Variants in DOCK1 observed in about 807,000 individuals in gnomAD.
DOCK1 encodes the protein dedicator of cytokinesis protein 1.
In DOCK1, 138 loss-of-function variants were observed where a neutral mutation model predicts 262.7. The observed-to-expected ratio is 0.53, with a 90% CI of 0.46 to 0.61. The LOEUF (loss-of-function observed/expected upper bound fraction) is 0.61, where lower values mean the gene tolerates loss of function less well. Among genes scored for constraint, DOCK1 ranks in the 20% least tolerant of loss-of-function variants. DOCK1 has a pLI of 0.00. For synonymous variants in DOCK1, 866 were observed against 867.4 expected (o/e 1.00, Z 0.03); for missense variants, 1,908 against 2,370.7 (o/e 0.80, Z 4.05).
chr10:127,002,796 C>A (rs1161980703), intron 10 of DOCK1, among the ~76,000 whole-genome samples: 1 of 152,218 alleles, frequency 6.6e-6, no homozygotes, highest in Non-Finnish European at 1.5e-5. Context: ...TGGACACCCC[C>A]TTTGGTCCCT....
rs36168243 is a variant in DOCK1, at chr10:126,938,048, C to CT, written c.46+32500dup. 5.4e-3 allele frequency among the ~76,000 whole-genome samples: 778 copies of CT among 143,218 alleles called. 3 individuals carry two copies. The highest frequency in any genetic ancestry group is 0.015 in the African/African-American group (588 of 39,160). The allele number at this position is 143,218 out of a possible 152,430, so 94.0% of individuals were successfully genotyped here. The stretch of plus-strand genomic sequence containing the variant: ...GAATAGTAGAAGAGTCCAGCTTCAT[C>CT]TTTTTTTTTTTTTTTGAGATGGAGT... On this transcript the variant is annotated intron_variant, in intron 1 of 51. Transcript: ENST00000623213.
chr10:127,397,713 A>T (rs2066983035), intron 38 of DOCK1, among the ~76,000 whole-genome samples: 1 of 151,782 alleles, frequency 6.6e-6, no homozygotes, highest in Non-Finnish European at 1.5e-5. Context: ...TGACCCGGGC[A>T]GCGACTCCTG....
chr10:127,127,868 G>A (rs2050064664), intron 27 of DOCK1, 104 bp downstream of exon 27: 1 of 885,756 alleles, frequency 1.1e-6, no homozygotes, highest in East Asian at 2.8e-5. Context: ...GTAGTGAGCA[G>A]TTGAGATACA....
intron 22 of DOCK1, among the ~76,000 whole-genome samples, chr10:127,059,176 A>G (rs2045370054): frequency 6.6e-6 from 1 of 152,102 alleles, no homozygotes. Flanking sequence ...TAGCTTTCAG[A>G]CTTACTGTTA....
chr10:127,119,002 T>TA (rs1427027525), intron 25 of DOCK1, among the ~76,000 whole-genome samples: 1 of 152,042 alleles, frequency 6.6e-6, no homozygotes, highest in African/African-American at 2.4e-5. Flanking sequence ...CACACACGTG[T>TA]ACCTGCATGG....
intron 27 of DOCK1, among the ~76,000 whole-genome samples, chr10:127,156,307 G>T (rs2053040849): frequency 6.6e-6 from 1 of 152,048 alleles, no homozygotes; most frequent in Non-Finnish European, 1.5e-5. Flanking sequence ...ATTATTCTTA[G>T]GCCCCAGGCT....
chr10:127,445,401 G>A (rs2070471005), intron 50 of DOCK1, among the ~76,000 whole-genome samples: 1 of 152,164 alleles, frequency 6.6e-6, no homozygotes. Context: ...GTCAGTGGGT[G>A]GGGAGGCTGG....
chr10:127,046,502 C>G (rs1282028930), intron 21 of DOCK1, among the ~76,000 whole-genome samples: 1 of 152,070 alleles, frequency 6.6e-6, no homozygotes, highest in Non-Finnish European at 1.5e-5. Flanking sequence ...ACCTGTAATC[C>G]TTGCACTTTG....
At chr10:126,936,266 G>A (rs944742505) in intron 1 of DOCK1, among the ~76,000 whole-genome samples, 6 of 152,202 alleles carry the variant, frequency 3.9e-5, no homozygotes, top group Non-Finnish European at 7.3e-5. Flanking sequence ...GATTGCAAGC[G>A]TGAGCCACTG....
chr10:127,052,658 G>A (rs2044815925), intron 21 of DOCK1, 23 bp from the exon 22 acceptor site: 1 of 1,613,708 alleles, frequency 6.2e-7, no homozygotes. Context: ...GAGCTTATTT[G>A]TGCGTGTTTG....
intron 31 of DOCK1, among the ~76,000 whole-genome samples, chr10:127,352,845 G>T (rs970401736): frequency 6.6e-6 from 1 of 151,988 alleles, no homozygotes; most frequent in African/African-American, 2.4e-5. Context: ...CACCTGCCTC[G>T]GCCTCCCAAA....
At chr10:127,271,361 C>T (rs1038208181) in intron 29 of DOCK1, among the ~76,000 whole-genome samples, 10 of 152,058 alleles carry the variant, frequency 6.6e-5, no homozygotes, top group South Asian at 4.1e-4. Flanking sequence ...TTTTTCAACA[C>T]GAAATTGGAA....
chr10:127,219,320 G>A (rs1047324981), intron 27 of DOCK1, among the ~76,000 whole-genome samples: 12 of 152,236 alleles, frequency 7.9e-5, no homozygotes, highest in South Asian at 2.1e-4. Context: ...AAAGGCTTTG[G>A]TTGAGCATAT....
intron 4 of DOCK1, among the ~76,000 whole-genome samples, chr10:126,987,301 G>C (rs529470547): frequency 6.6e-6 from 1 of 152,120 alleles, no homozygotes; most frequent in African/African-American, 2.4e-5. Flanking sequence ...GATGGCTTAC[G>C]TGCAGGGTAA....
In DOCK1 at chr10:127,062,061, C is replaced by T. The variant is rs528769904; in HGVS notation, c.2445+285C>T. Among the ~76,000 whole-genome samples the T allele has an allele frequency of 2.3e-4, 35 of 150,636 alleles. No homozygotes were observed. The South Asian group carries it at 6.8e-3, about 29-fold the overall frequency. ...AAGCAATTCTCCTGTCTCAGCCTCCCGAATTGCTGGGACTACAGGCGCATG... is the reference window on the plus strand; with the variant it reads ...AAGCAATTCTCCTGTCTCAGCCTCCTGAATTGCTGGGACTACAGGCGCATG... On this transcript the variant is annotated intron_variant, in intron 23 of 51. Transcript: ENST00000623213.
At chr10:127,424,049 C>T (rs1590997719) in intron 46 of DOCK1, among the ~76,000 whole-genome samples, 2 of 152,180 alleles carry the variant, frequency 1.3e-5, no homozygotes, top group East Asian at 3.8e-4. Flanking sequence ...ACTACAGGGT[C>T]TCCAGAGACC....
At chr10:127,306,131 C>T (rs1423491013) in intron 29 of DOCK1, among the ~76,000 whole-genome samples, 1 of 151,520 alleles carries the variant, frequency 6.6e-6, no homozygotes. Context: ...TCTTTTGCCT[C>T]AGCCTCTCAA....
In DOCK1 at chr10:127,241,725, AAAG is replaced by A. The variant is rs547467554; in HGVS notation, c.2848-6281_2848-6279del. 4.8e-3 allele frequency among the ~76,000 whole-genome samples: 729 copies of A among 152,290 alleles called. 6 individuals carry two copies. Among genetic ancestry groups the A allele is most frequent in the African/African-American group, 0.016 (674 of 41,546 alleles). ...GCTGATATGCTGGGAGCTGAGCAGAAAAGAGAGAGGGGAGTATACTGTTTGGTT... is the reference window on the plus strand; with the variant it reads ...GCTGATATGCTGGGAGCTGAGCAGAAAGAGAGGGGAGTATACTGTTTGGTT... On this transcript the variant is annotated intron_variant, in intron 27 of 51. Transcript: ENST00000623213.
intron 27 of DOCK1, among the ~76,000 whole-genome samples, chr10:127,201,454 G>A (rs1035751718): frequency 6.6e-6 from 1 of 152,124 alleles, no homozygotes; most frequent in Non-Finnish European, 1.5e-5. Context: ...TGGTTTATTG[G>A]CCTGAAATAC....
Sources: allele counts gnomAD v4.1 joint callset (sites outside exome capture counted in the v4.1 genomes callset), GRCh38; gene constraint gnomAD v4.1.1; transcripts MANE v1.5; gene names NCBI Gene and HGNC (gene_info 2026-07-23, HGNC 2026-07-21).